Variants in GPHN observed in about 807,000 individuals in gnomAD.
The protein encoded by GPHN is gephyrin.
GPHN carries 17 observed loss-of-function variants against 95.5 expected under a neutral mutation model. That is an observed-to-expected ratio of 0.18 (90% confidence interval 0.12 to 0.27). GPHN has a LOEUF of 0.27. Ranked by LOEUF, GPHN falls within the 10% of genes least tolerant of loss-of-function variation. The probability of loss-of-function intolerance (pLI) is 1.00; values close to 1 mark genes in which losing one functional copy is unlikely to be tolerated. For missense variants in GPHN, 660 were observed against 978.1 expected (o/e 0.67, Z 4.34); for synonymous variants, 320 against 322.5 (o/e 0.99, Z 0.08).
At chr14:66,879,815 C>T in intron 4 of GPHN, 124 bp from the exon 5 acceptor site, 1 of 709,370 alleles carries the variant, frequency 1.4e-6, no homozygotes, top group Admixed American at 2.1e-5. Context: ...ATAAATGTTT[C>T]AGAAACTAAA....
chr14:66,768,299 G>GA (rs1295019566), intron 2 of GPHN, among the ~76,000 whole-genome samples: 4 of 151,732 alleles, frequency 2.6e-5, no homozygotes, highest in African/African-American at 7.2e-5. Context: ...TATCCTAATG[G>GA]AAAAAAAGTA....
chr14:67,300,258 A>T, the GPHN span, among the ~76,000 whole-genome samples: 1 of 152,214 alleles, frequency 6.6e-6, no homozygotes, highest in South Asian at 2.1e-4. Flanking sequence ...CTTGGGTTTC[A>T]TAGGAAAATT....
At chr14:66,789,045 A>C (rs922232676) in intron 3 of GPHN, among the ~76,000 whole-genome samples, 2 of 152,234 alleles carry the variant, frequency 1.3e-5, no homozygotes, top group African/African-American at 4.8e-5. Flanking sequence ...GTTAAAGAGC[A>C]GATCAGTGTT....
At chr14:67,634,442 A>C in the GPHN span, among the ~76,000 whole-genome samples, 5 of 151,790 alleles carry the variant, frequency 3.3e-5, no homozygotes, top group Non-Finnish European at 7.4e-5. Flanking sequence ...AAAAAAAAAA[A>C]AAAAAAAATT....
the GPHN span, chr14:67,619,980 G>A: frequency 6.3e-7 from 1 of 1,593,922 alleles, no homozygotes; most frequent in Non-Finnish European, 8.5e-7. Flanking sequence ...TGCGGATCAT[G>A]TCCCTAAGGG....
intron 1 of GPHN, among the ~76,000 whole-genome samples, chr14:66,509,968 T>C (rs2057975894): frequency 6.6e-6 from 1 of 152,210 alleles, no homozygotes. Flanking sequence ...AGGATTGCCT[T>C]TCCCTGGTAT....
the GPHN span, among the ~76,000 whole-genome samples, chr14:67,549,064 T>C: frequency 6.6e-6 from 1 of 152,132 alleles, no homozygotes; most frequent in Non-Finnish European, 1.5e-5. Context: ...TCCTAAAATA[T>C]CTCATACTTT....
the GPHN span, chr14:67,615,776 C>A: frequency 3.8e-6 from 2 of 520,652 alleles, no homozygotes; most frequent in Non-Finnish European, 7.2e-6. Context: ...CCAGAGGTCT[C>A]CTTCAGCCTT....
chr14:67,518,348 T>A, the GPHN span, among the ~76,000 whole-genome samples: 561 of 152,280 alleles, frequency 3.7e-3, 2 homozygotes, highest in African/African-American at 0.011. Flanking sequence ...ATTTTTCTCA[T>A]CTGCAAAATG....
chr14:67,015,267 C>T (rs866287170), intron 9 of GPHN, among the ~76,000 whole-genome samples: 4 of 151,958 alleles, frequency 2.6e-5, no homozygotes, highest in Non-Finnish European at 2.9e-5. Flanking sequence ...TAGGAAAGCT[C>T]GGTGGAATTT....
intron 4 of GPHN, among the ~76,000 whole-genome samples, chr14:66,855,578 T>C (rs72728692): frequency 0.044 from 6,698 of 152,310 alleles, 186 homozygotes; most frequent in Middle Eastern, 0.068. Flanking sequence ...GGGATAGTGC[T>C]GTTGTGAACA....
chr14:67,380,708 G>A, the GPHN span: 1 of 1,586,658 alleles, frequency 6.3e-7, no homozygotes. Flanking sequence ...TGAACGGGAA[G>A]TACTCATTAA....
At chr14:67,569,076 C>A in the GPHN span, 1 of 1,148,204 alleles carries the variant, frequency 8.7e-7, no homozygotes, top group Non-Finnish European at 1.3e-6. Flanking sequence ...CCTGCACATG[C>A]CTGGAGGGGG....
chr14:66,731,131 A>G (rs1022974175), intron 2 of GPHN, among the ~76,000 whole-genome samples: 1 of 152,164 alleles, frequency 6.6e-6, no homozygotes, highest in African/African-American at 2.4e-5. Flanking sequence ...CCACATGGAC[A>G]TGTGAGTCAA....
chr14:66,629,298 T>C (rs1300333606), intron 1 of GPHN, among the ~76,000 whole-genome samples: 1 of 150,446 alleles, frequency 6.6e-6, no homozygotes, highest in African/African-American at 2.4e-5. Flanking sequence ...TATTTTATCC[T>C]TTTACTTTGT....
At chr14:67,651,601 G>T in the GPHN span, 2 of 1,115,316 alleles carry the variant, frequency 1.8e-6, no homozygotes, top group Non-Finnish European at 2.5e-6. Flanking sequence ...TGATCACACA[G>T]CCACTTAGCA....
At chr14:66,725,497 G>C (rs926524964) in intron 2 of GPHN, among the ~76,000 whole-genome samples, 1 of 152,084 alleles carries the variant, frequency 6.6e-6, no homozygotes, top group African/African-American at 2.4e-5. Context: ...TGTTTTGTTT[G>C]TTTTTTGACA....
chr14:66,774,028 G>T (rs2059285916), intron 2 of GPHN, among the ~76,000 whole-genome samples: 1 of 122,534 alleles, frequency 8.2e-6, no homozygotes, highest in Non-Finnish European at 1.6e-5. Flanking sequence ...TTTTGAGATG[G>T]AGTCTCGCCC....
At chr14:66,941,821 CAG>C (rs147032303) in intron 8 of GPHN, among the ~76,000 whole-genome samples, 10,414 of 152,134 alleles carry the variant, frequency 0.068, 877 homozygotes, top group African/African-American at 0.19. Context: ...AGAAACCAGG[CAG>C]AGAGAAACAC....
Sources: gnomAD v4.1 joint callset for allele counts (sites outside exome capture counted in the v4.1 genomes callset) on GRCh38, gnomAD v4.1.1 for gene constraint, MANE v1.5 for transcripts, NCBI Gene and HGNC (gene_info 2026-07-23, HGNC 2026-07-21) for gene names.